CACNA2D3: variants seen among roughly 807,000 people sequenced by gnomAD.
CACNA2D3 encodes the protein calcium voltage-gated channel auxiliary subunit alpha2delta 3, also known as voltage-dependent calcium channel subunit alpha-2/delta-3.
CACNA2D3 carries 60 observed loss-of-function variants against 160.6 expected under a neutral mutation model. The ratio of observed to expected loss-of-function variants is 0.37; its 90% confidence interval spans 0.30 to 0.46. The LOEUF is 0.46. Ranked by LOEUF, CACNA2D3 falls within the 20% of genes least tolerant of loss-of-function variation. CACNA2D3 has a pLI of 1.00. For missense variants in CACNA2D3, 1,205 were observed against 1,365.0 expected (o/e 0.88, Z 1.85); for synonymous variants, 558 against 492.9 (o/e 1.13, Z -1.75).
At chr3:55,037,819 T>A (rs76759224) in intron 35 of CACNA2D3, among the ~76,000 whole-genome samples, 3,089 of 152,328 alleles carry the variant, frequency 0.02, 108 homozygotes, top group African/African-American at 0.069. Context: ...GCAAAAACTG[T>A]AAGGTACAAC....
rs558780097 is a variant in CACNA2D3, at chr3:54,191,185, T to G, written c.204+67591T>G. On this transcript the variant is annotated intron_variant, in intron 2 of 37. Transcript: ENST00000474759. Reference sequence around the variant, plus strand: ...GCTCCGGGGAAATGGAGGTTAACCCTGAAGCTTAGATGCAGCAGCCTTTTC... The same window carrying G: ...GCTCCGGGGAAATGGAGGTTAACCCGGAAGCTTAGATGCAGCAGCCTTTTC... Among the ~76,000 whole-genome samples, 10 of 152,242 alleles carry G rather than the reference T, an allele frequency of 6.6e-5. No individual in the cohort carries two copies. In the South Asian group the frequency reaches 2.1e-3, roughly 32 times the overall value.
In CACNA2D3 at chr3:54,703,119, C is replaced by T. The variant is rs115141732; in HGVS notation, c.1168-49480C>T. Among the ~76,000 whole-genome samples, 1,011 of 152,172 alleles carry T rather than the reference C, an allele frequency of 6.6e-3. 20 individuals carry two copies. The highest frequency in any genetic ancestry group is 0.023 in the African/African-American group (955 of 41,506). On this transcript the variant is annotated intron_variant, in intron 11 of 37. Coordinates refer to ENST00000474759, the MANE Select transcript of CACNA2D3 (RefSeq NM_018398.3). ...GGAGGGTGAGGATCACAAAACTATC[C>T]ACCTGGTATTGTGCTCACTACTTGG...
Position 55,074,400 on chromosome 3 carries a change from T to G in CACNA2D3, c.*194T>G. ...TTGACAAAAAGTTATCTATCATCTTTTTACTTTGCCAGTCATGCAAATGTG... is the reference window on the plus strand; with the variant it reads ...TTGACAAAAAGTTATCTATCATCTTGTTACTTTGCCAGTCATGCAAATGTG... On this transcript the variant is annotated 3_prime_UTR_variant, in exon 38 of 38. Transcript: ENST00000474759. The G allele has an allele frequency of 1.7e-6, 1 of 573,122 alleles. No homozygotes were observed. The highest frequency in any genetic ancestry group is 2.1e-5 in the South Asian group (1 of 46,642). 35.5% of individuals were successfully genotyped at this position (573,122 alleles called of 1,614,324 possible).
intron 4 of CACNA2D3, among the ~76,000 whole-genome samples, chr3:54,400,585 C>T (rs966898407): frequency 3.3e-5 from 5 of 152,172 alleles, no homozygotes; most frequent in African/African-American, 1.2e-4. Context: ...ACCACCACTG[C>T]CCCAAACTCC....
At chr3:54,882,323 C>G (rs1526590) in intron 21 of CACNA2D3, among the ~76,000 whole-genome samples, 120,860 of 152,176 alleles carry the variant, frequency 0.79, 48,696 homozygotes, top group African/African-American at 0.92. Flanking sequence ...GCCTCTCATG[C>G]GTCTGCTCCC....
At chr3:54,896,213 C>G (rs1700184368) in intron 25 of CACNA2D3, among the ~76,000 whole-genome samples, 4 of 152,178 alleles carry the variant, frequency 2.6e-5, no homozygotes, top group Admixed American at 2.6e-4. Context: ...GGGGCATGAG[C>G]AGGCCTGTTT....
intron 2 of CACNA2D3, among the ~76,000 whole-genome samples, chr3:54,197,742 T>C (rs542248143): frequency 6.6e-6 from 1 of 152,278 alleles, no homozygotes; most frequent in South Asian, 2.1e-4. Context: ...GCTGCTGTCT[T>C]GTGAGCTGTT....
intron 35 of CACNA2D3, among the ~76,000 whole-genome samples, chr3:55,044,065 T>C (rs1464193926): frequency 6.6e-6 from 1 of 152,234 alleles, no homozygotes; most frequent in Admixed American, 6.5e-5. Flanking sequence ...TTATTCTTTT[T>C]CAAAATGCCT....
At chr3:54,599,736 T>G (rs2106770812) in intron 9 of CACNA2D3, among the ~76,000 whole-genome samples, 1 of 152,340 alleles carries the variant, frequency 6.6e-6, no homozygotes, top group East Asian at 1.9e-4. Flanking sequence ...TCTGTGGGAT[T>G]AAACTGTTGC....
chr3:54,151,079 A>G (rs1004860002), intron 2 of CACNA2D3, among the ~76,000 whole-genome samples: 4 of 151,586 alleles, frequency 2.6e-5, no homozygotes, highest in African/African-American at 9.7e-5. Context: ...AGATGAATGA[A>G]TGGATGCAGG....
At chr3:54,918,014 G>A (rs141605389) in intron 27 of CACNA2D3, among the ~76,000 whole-genome samples, 381 of 152,218 alleles carry the variant, frequency 2.5e-3, no homozygotes, top group African/African-American at 8.8e-3. Flanking sequence ...AATGCCCATC[G>A]GGTAAGATCA....
chr3:54,871,546 A>G lies in CACNA2D3; in HGVS notation c.1634A>G (p.Glu545Gly). 2 of 1,612,308 alleles carry G rather than the reference A, an allele frequency of 1.2e-6. No homozygotes were observed. Among genetic ancestry groups the G allele is most frequent in the African/African-American group, 1.3e-5 (1 of 75,008 alleles). The change falls in exon 18 of 38, where the codon GAA (glutamate) becomes GGA (glycine). Residue 545 changes from glutamate to glycine, a missense_variant. Glu to Gly is a moderately conservative substitution (Grantham distance 98). Transcript: ENST00000474759. Reference protein sequence around the residue: ...THPELRLLYEEGKKRRKPNYS... With the variant: ...THPELRLLYEGGKKRRKPNYS... ...TCTTCTTCCCCTTGCTAGTACGAAG[A>G]AGGAAAAAAGCGAAGGAAACCTAAC... is the stretch of plus-strand genomic sequence containing the variant.
intron 12 of CACNA2D3, 39 bp from the exon 13 acceptor site, chr3:54,764,175 TTCTG>T (rs746248039): frequency 6.8e-6 from 11 of 1,609,938 alleles, no homozygotes; most frequent in Non-Finnish European, 8.5e-6. Flanking sequence ...TTGCAAGTCT[TTCTG>T]TCTGTTACTA....
At chr3:55,009,913 G>A (rs1418355180) in intron 34 of CACNA2D3, among the ~76,000 whole-genome samples, 2 of 152,104 alleles carry the variant, frequency 1.3e-5, no homozygotes, top group Non-Finnish European at 2.9e-5. Context: ...GAGACTCTTG[G>A]AGGCATGGGT....
chr3:54,870,442 G>A (rs1399898178), intron 17 of CACNA2D3, among the ~76,000 whole-genome samples: 1 of 152,176 alleles, frequency 6.6e-6, no homozygotes, highest in Non-Finnish European at 1.5e-5. Context: ...CAGTATACAT[G>A]CATATATATT....
chr3:54,608,537 G>A (rs1698683795), intron 9 of CACNA2D3, among the ~76,000 whole-genome samples: 1 of 152,116 alleles, frequency 6.6e-6, no homozygotes, highest in Non-Finnish European at 1.5e-5. Flanking sequence ...CATGCACGTG[G>A]CCTGGCTCCA....
intron 13 of CACNA2D3, among the ~76,000 whole-genome samples, chr3:54,780,157 A>G (rs1406704723): frequency 6.6e-6 from 1 of 152,230 alleles, no homozygotes; most frequent in Non-Finnish European, 1.5e-5. Flanking sequence ...TGGTGGTACT[A>G]AGAGAGAGTC....
At chr3:55,004,986 A>G in intron 32 of CACNA2D3, 148 bp downstream of exon 32, 2 of 600,516 alleles carry the variant, frequency 3.3e-6, no homozygotes, top group East Asian at 3.0e-5. Flanking sequence ...AAAAAAAAAA[A>G]CACTTCAGGC....
intron 2 of CACNA2D3, among the ~76,000 whole-genome samples, chr3:54,293,509 A>C (rs1559912158): frequency 6.6e-6 from 1 of 152,028 alleles, no homozygotes. Context: ...AGTTCCATCC[A>C]GGTTACTGTG....
Sources: allele counts gnomAD v4.1 joint callset (sites outside exome capture counted in the v4.1 genomes callset), GRCh38; gene constraint gnomAD v4.1.1; transcripts MANE v1.5; gene names NCBI Gene and HGNC (gene_info 2026-07-23, HGNC 2026-07-21).